Variants in RAD51B observed in about 807,000 individuals in gnomAD.
RAD51B encodes DNA repair protein RAD51 homolog 2.
Under a neutral mutation model 42.2 loss-of-function variants are expected in RAD51B, and 38 were observed. That is an observed-to-expected ratio of 0.90 (90% CI 0.70 to 1.18). The LOEUF (loss-of-function observed/expected upper bound fraction) is 1.18, where lower values mean the gene tolerates loss of function less well. Ranked by LOEUF, RAD51B falls within the 50% of genes most tolerant of loss-of-function variation. The pLI, the probability that RAD51B is intolerant of heterozygous loss-of-function variation, is 0.00. For missense variants in RAD51B, 373 were observed against 400.7 expected (o/e 0.93, Z 0.59); for synonymous variants, 154 against 145.2 (o/e 1.06, Z -0.43).
intron 10 of RAD51B, among the ~76,000 whole-genome samples, chr14:68,493,989 A>G (rs1884292993): frequency 6.6e-6 from 1 of 152,130 alleles, no homozygotes; most frequent in Non-Finnish European, 1.5e-5. Context: ...GAAATGACCA[A>G]TTCTGGCTGG....
At chr14:68,520,191 G>C (rs1886475176) in intron 10 of RAD51B, among the ~76,000 whole-genome samples, 1 of 152,186 alleles carries the variant, frequency 6.6e-6, no homozygotes, top group African/African-American at 2.4e-5. Flanking sequence ...GGAACCCAGA[G>C]GAATCCTTAA....
At chr14:68,666,210 C>A (rs1464977865) in intron 11 of RAD51B, among the ~76,000 whole-genome samples, 1 of 151,974 alleles carries the variant, frequency 6.6e-6, no homozygotes, top group East Asian at 1.9e-4. Flanking sequence ...TGGAGAGTAC[C>A]CAAGTCCTGA....
At chr14:67,907,946 C>G (rs550899926) in intron 7 of RAD51B, among the ~76,000 whole-genome samples, 1 of 152,178 alleles carries the variant, frequency 6.6e-6, no homozygotes, top group Non-Finnish European at 1.5e-5. Flanking sequence ...CAGCAACCAT[C>G]TTGTGCCCAT....
rs147548370 is a variant in RAD51B, at chr14:68,407,390, A to G, written c.854-4034A>G. 9.2e-5 allele frequency among the ~76,000 whole-genome samples: 14 copies of G among 152,354 alleles called. No individual in the cohort carries two copies. In the East Asian group the frequency reaches 2.7e-3, roughly 29 times the overall value. On this transcript the variant is annotated intron_variant, in intron 8 of 10. Transcript: ENST00000471583. ...TGTACTATGCATAACTGTATGTGCT[A>G]TACTTTTATACAGCTGAGATTATAG...
At chr14:68,537,990 G>C (rs1887739884) in intron 10 of RAD51B, among the ~76,000 whole-genome samples, 1 of 152,104 alleles carries the variant, frequency 6.6e-6, no homozygotes, top group Non-Finnish European at 1.5e-5. Context: ...TTCATTTCTG[G>C]GTGTTTATTT....
intron 7 of RAD51B, among the ~76,000 whole-genome samples, chr14:68,245,820 A>T (rs1025329001): frequency 2.6e-5 from 4 of 152,138 alleles, no homozygotes; most frequent in African/African-American, 7.2e-5. Context: ...CCTCCACATT[A>T]TTCTGAGAAT....
chr14:68,521,477 C>T (rs181479319), intron 10 of RAD51B, among the ~76,000 whole-genome samples: 2 of 152,352 alleles, frequency 1.3e-5, no homozygotes, highest in East Asian at 1.9e-4. Flanking sequence ...AAGCTCTTTG[C>T]TCCCTGGAGT....
chr14:68,018,404 T>C (rs1697222542), intron 7 of RAD51B, among the ~76,000 whole-genome samples: 1 of 152,234 alleles, frequency 6.6e-6, no homozygotes, highest in Non-Finnish European at 1.5e-5. Context: ...TAATTACTTT[T>C]TAAAGGTACT....
At chr14:68,246,169 C>A (rs776301020) in intron 7 of RAD51B, among the ~76,000 whole-genome samples, 19 of 152,016 alleles carry the variant, frequency 1.2e-4, no homozygotes, top group African/African-American at 4.6e-4. Flanking sequence ...GACAGAAGTA[C>A]GTCTTGAGGG....
At chr14:68,426,022 TTCTTTC>T (rs1316901808) in intron 9 of RAD51B, among the ~76,000 whole-genome samples, 2 of 149,602 alleles carry the variant, frequency 1.3e-5, no homozygotes, top group African/African-American at 4.9e-5. Flanking sequence ...CTTTCTTTCT[TTCTTTC>T]TCTCTTTCTT....
chr14:68,433,102 T>A (rs2085054868), intron 9 of RAD51B, among the ~76,000 whole-genome samples: 1 of 152,258 alleles, frequency 6.6e-6, no homozygotes, highest in Admixed American at 6.5e-5. Context: ...TTGTAGAGTT[T>A]CTGCTGAGAG....
chr14:68,139,581 G>C (rs907809377), intron 7 of RAD51B, among the ~76,000 whole-genome samples: 1 of 152,200 alleles, frequency 6.6e-6, no homozygotes, highest in African/African-American at 2.4e-5. Flanking sequence ...AGGGGTGGCA[G>C]TGTGGGGCAT....
At chr14:68,138,970 C>T (rs1318869694) in intron 7 of RAD51B, among the ~76,000 whole-genome samples, 9 of 151,958 alleles carry the variant, frequency 5.9e-5, no homozygotes, top group Non-Finnish European at 1.5e-5. Context: ...TCTGTGGATG[C>T]CATATACTAT....
At chr14:67,863,385 C>T (rs752068854) in intron 4 of RAD51B, among the ~76,000 whole-genome samples, 7 of 152,018 alleles carry the variant, frequency 4.6e-5, no homozygotes, top group African/African-American at 7.2e-5. Flanking sequence ...AACTTACTAG[C>T]GATGTAAATT....
intron 7 of RAD51B, among the ~76,000 whole-genome samples, chr14:68,049,578 G>A (rs544958337): frequency 3.3e-5 from 5 of 152,170 alleles, no homozygotes; most frequent in Non-Finnish European, 5.9e-5. Flanking sequence ...CGAGTTGCTC[G>A]TCACCCTGTC....
chr14:68,003,977 TA>T, intron 7 of RAD51B, among the ~76,000 whole-genome samples: 1 of 152,316 alleles, frequency 6.6e-6, no homozygotes, highest in Middle Eastern at 3.4e-3. Flanking sequence ...TTTATCCCAT[TA>T]ATGTGGTAGA....
At chr14:68,536,407 A>T (rs564462547) in intron 10 of RAD51B, among the ~76,000 whole-genome samples, 18 of 152,310 alleles carry the variant, frequency 1.2e-4, no homozygotes, top group Non-Finnish European at 2.1e-4. Context: ...AGCAGATTGA[A>T]TTTTTTTAGA....
intron 7 of RAD51B, among the ~76,000 whole-genome samples, chr14:67,888,995 G>T (rs748757520): frequency 4.6e-5 from 7 of 152,056 alleles, no homozygotes; most frequent in Non-Finnish European, 1.0e-4. Context: ...AGTAACTGTA[G>T]GCTAATGCTT....
intron 3 of RAD51B, among the ~76,000 whole-genome samples, chr14:67,831,377 C>G (rs999620985): frequency 2.6e-5 from 4 of 152,076 alleles, no homozygotes; most frequent in Non-Finnish European, 4.4e-5. Context: ...AAGCCTGAAA[C>G]CTGAGTGATG....
Sources: gnomAD v4.1 joint callset for allele counts (sites outside exome capture counted in the v4.1 genomes callset) on GRCh38, gnomAD v4.1.1 for gene constraint, MANE v1.5 for transcripts, NCBI Gene and HGNC (gene_info 2026-07-23, HGNC 2026-07-21) for gene names.